MACROD2: variants seen among roughly 807,000 people sequenced by gnomAD.
MACROD2 encodes the protein ADP-ribose glycohydrolase MACROD2.
A neutral mutation model predicts 70.4 loss-of-function variants in MACROD2; 36 were observed. The ratio of observed to expected loss-of-function variants is 0.51; its 90% CI spans 0.39 to 0.68. The LOEUF is 0.68. Among genes scored for constraint, MACROD2 ranks in the 30% least tolerant of loss-of-function variants. The pLI, the probability that MACROD2 is intolerant of heterozygous loss-of-function variation, is 0.00. For missense variants in MACROD2, 496 were observed against 538.4 expected (o/e 0.92, Z 0.78); for synonymous variants, 172 against 178.8 (o/e 0.96, Z 0.30).
chr20:15,676,074 TG>T (rs1451262803), intron 8 of MACROD2, among the ~76,000 whole-genome samples: 24 of 152,366 alleles, frequency 1.6e-4, no homozygotes, highest in African/African-American at 5.3e-4. Context: ...TTTTATTTCC[TG>T]TACTCACTCA....
intron 8 of MACROD2, among the ~76,000 whole-genome samples, chr20:15,797,349 T>C (rs4297955): frequency 0.28 from 43,112 of 151,856 alleles, 6,567 homozygotes; most frequent in East Asian, 0.44. Context: ...TCTCCTGACC[T>C]CGTGATCCGC....
chr20:14,450,589 T>C (rs2084234363), intron 3 of MACROD2, among the ~76,000 whole-genome samples: 1 of 152,142 alleles, frequency 6.6e-6, no homozygotes, highest in Non-Finnish European at 1.5e-5. Context: ...ATTTAATATA[T>C]AACTTTGCTT....
At chr20:15,545,084 A>T (rs1362367687) in intron 8 of MACROD2, among the ~76,000 whole-genome samples, 1 of 152,230 alleles carries the variant, frequency 6.6e-6, no homozygotes, top group African/African-American at 2.4e-5. Context: ...CCTGACATGT[A>T]GCACACACTG....
At chr20:14,054,147 C>G (rs951437117) in intron 2 of MACROD2, among the ~76,000 whole-genome samples, 1 of 150,726 alleles carries the variant, frequency 6.6e-6, no homozygotes, top group Non-Finnish European at 1.5e-5. Flanking sequence ...TCCCCCACCA[C>G]ATTGAGTGGG....
chr20:15,984,926 G>T (rs538699812), intron 13 of MACROD2, among the ~76,000 whole-genome samples: 2 of 152,168 alleles, frequency 1.3e-5, no homozygotes, highest in South Asian at 2.1e-4. Flanking sequence ...ACTGCTGTTG[G>T]GGGGAAGGGG....
rs147802038 is a variant in MACROD2 at position 15,618,545 on chromosome 20, A to G, written c.645+118698A>G. ...ACCCCACCCTCCCAACCCTGCCCCC[A>G]AGATTTCATTGAGATTTCTCCCAAC... On this transcript the variant is annotated intron_variant, in intron 8 of 17. Coordinates refer to ENST00000684519, the MANE Select transcript of MACROD2 (RefSeq NM_001351661.2). Among the ~76,000 whole-genome samples, 5 of 83,476 alleles carry G rather than the reference A, an allele frequency of 6.0e-5. No homozygotes were observed. In the East Asian group the frequency reaches 1.4e-3, roughly 23 times the overall value. The allele number at this position is 83,476 out of a possible 152,430, so 54.8% of individuals were successfully genotyped here. A position where few individuals can be genotyped will look rare whatever the true frequency, so the allele number is the denominator to read the frequency against.
intron 8 of MACROD2, among the ~76,000 whole-genome samples, chr20:15,634,119 G>A (rs1175695886): frequency 6.6e-6 from 1 of 152,158 alleles, no homozygotes; most frequent in African/African-American, 2.4e-5. Flanking sequence ...AACAAACGAT[G>A]AGCATACAGG....
chr20:15,573,532 C>T (rs2048403616), intron 8 of MACROD2, among the ~76,000 whole-genome samples: 1 of 152,148 alleles, frequency 6.6e-6, no homozygotes, highest in Admixed American at 6.6e-5. Context: ...AGGCCAAGAA[C>T]TCCCTTATAA....
chr20:14,830,901 T>A (rs2072957316), intron 5 of MACROD2, among the ~76,000 whole-genome samples: 2 of 152,262 alleles, frequency 1.3e-5, no homozygotes, highest in East Asian at 3.9e-4. Flanking sequence ...CTCATGAGTC[T>A]TAAATTTATC....
intron 5 of MACROD2, among the ~76,000 whole-genome samples, chr20:14,694,420 A>G (rs1251563859): frequency 1.3e-5 from 2 of 152,174 alleles, no homozygotes; most frequent in East Asian, 3.8e-4. Context: ...GACTTTTAGT[A>G]TAGTGATCTT....
intron 11 of MACROD2, among the ~76,000 whole-genome samples, chr20:15,936,335 T>C (rs1379724764): frequency 6.7e-6 from 1 of 148,676 alleles, no homozygotes; most frequent in Non-Finnish European, 1.5e-5. Context: ...TATCGGAATA[T>C]GTATATATAA....
intron 8 of MACROD2, among the ~76,000 whole-genome samples, chr20:15,629,001 T>C (rs1016826874): frequency 6.6e-6 from 1 of 152,246 alleles, no homozygotes; most frequent in Admixed American, 6.5e-5. Context: ...ATTTTAATTA[T>C]TCATTCTACT....
At chr20:15,870,406 C>T (rs569158283) in intron 9 of MACROD2, among the ~76,000 whole-genome samples, 1 of 152,090 alleles carries the variant, frequency 6.6e-6, no homozygotes, top group East Asian at 1.9e-4. Context: ...TAAAAACGTA[C>T]CACGAACCTA....
chr20:15,919,628 G>A (rs1158187100), intron 10 of MACROD2, among the ~76,000 whole-genome samples: 3 of 152,120 alleles, frequency 2.0e-5, no homozygotes, highest in Non-Finnish European at 2.9e-5. Context: ...CCAGCTACTC[G>A]GGAGGCCGAG....
At chr20:14,935,478 A>T (rs1319801511) in intron 5 of MACROD2, 5 of 152,156 alleles carry the variant, frequency 3.3e-5, no homozygotes, top group Admixed American at 3.3e-4. Flanking sequence ...TTTCCCAGGC[A>T]ACCCTAATGT....
At chr20:14,860,145 C>CA (rs1257998480) in intron 5 of MACROD2, among the ~76,000 whole-genome samples, 13 of 151,930 alleles carry the variant, frequency 8.6e-5, no homozygotes, top group Admixed American at 8.5e-4. Context: ...ATAAAACCTT[C>CA]AAAAAAATGG....
At position 14,519,030 on chromosome 20, in the gene MACROD2, T is replaced by C. The variant is rs932328396; in HGVS notation, c.301+25522T>C. ...CCTAGAAATGAAAATACTGGTGACT[T>C]TAAATATATGAAAACAATACAAAAG... On this transcript the variant is annotated intron_variant, in intron 4 of 17. Coordinates refer to ENST00000684519, the MANE Select transcript of MACROD2 (RefSeq NM_001351661.2). Among the ~76,000 whole-genome samples the C allele has an allele frequency of 2.0e-5, 3 of 152,244 alleles. No individual in the cohort carries two copies. The South Asian group carries it at 6.2e-4, about 32-fold the overall frequency.
intron 8 of MACROD2, among the ~76,000 whole-genome samples, chr20:15,505,845 A>G (rs181174279): frequency 7.3e-4 from 111 of 152,292 alleles, no homozygotes; most frequent in African/African-American, 2.6e-3. Flanking sequence ...CTCCTCGCGT[A>G]CAAGGTTTGG....
At chr20:14,230,553 T>A (rs2081793420) in intron 3 of MACROD2, among the ~76,000 whole-genome samples, 1 of 149,182 alleles carries the variant, frequency 6.7e-6, no homozygotes, top group African/African-American at 2.5e-5. Flanking sequence ...CTGCAGTGAT[T>A]TCCTTCACTG....
Sources: allele counts gnomAD v4.1 joint callset (sites outside exome capture counted in the v4.1 genomes callset), GRCh38; gene constraint gnomAD v4.1.1; transcripts MANE v1.5; gene names NCBI Gene and HGNC (gene_info 2026-07-23, HGNC 2026-07-21).